The following ATP9B variants were observed in gnomAD, a reference collection of about 807,000 sequenced individuals.
ATP9B encodes the protein probable phospholipid-transporting ATPase IIB.
ATP9B carries 110 observed loss-of-function variants against 146.1 expected under a neutral mutation model. The ratio of observed to expected loss-of-function variants is 0.75; its 90% CI spans 0.65 to 0.88. The LOEUF is 0.88. Ranked by LOEUF, ATP9B falls within the 40% of genes least tolerant of loss-of-function variation. ATP9B has a pLI of 0.00. For synonymous variants in ATP9B, 604 were observed against 569.7 expected (o/e 1.06, Z -0.86); for missense variants, 1,499 against 1,496.4 (o/e 1.00, Z -0.03).
At chr18:79,173,927 T>C (rs1568331237) in intron 7 of ATP9B, among the ~76,000 whole-genome samples, 5 of 152,206 alleles carry the variant, frequency 3.3e-5, no homozygotes. Context: ...TCTGCACCTG[T>C]TGGCATTTAT....
At chr18:79,368,991 C>T (rs577105182) in intron 26 of ATP9B, among the ~76,000 whole-genome samples, 3 of 151,952 alleles carry the variant, frequency 2.0e-5, no homozygotes. Context: ...GTCCTTCCCT[C>T]TCTGTTTGGA....
chr18:79,293,485 A>G (rs2096526254), intron 13 of ATP9B, among the ~76,000 whole-genome samples: 2 of 152,234 alleles, frequency 1.3e-5, no homozygotes, highest in South Asian at 4.1e-4. Context: ...TGGGTCTGTT[A>G]GAAAAGCCAC....
At chr18:79,112,512 T>A (rs1384704966) in intron 3 of ATP9B, among the ~76,000 whole-genome samples, 1 of 152,206 alleles carries the variant, frequency 6.6e-6, no homozygotes, top group Non-Finnish European at 1.5e-5. Flanking sequence ...GAAATTTCTT[T>A]TATATTTGAA....
chr18:79,316,179 C>T (rs558338549), intron 15 of ATP9B, among the ~76,000 whole-genome samples: 11 of 152,200 alleles, frequency 7.2e-5, no homozygotes, highest in South Asian at 6.2e-4. Flanking sequence ...GTGATGACAT[C>T]GGAAACAGGA....
At chr18:79,290,394 C>T (rs2096490501) in intron 13 of ATP9B, among the ~76,000 whole-genome samples, 1 of 152,228 alleles carries the variant, frequency 6.6e-6, no homozygotes, top group South Asian at 2.1e-4. Flanking sequence ...ATCAGCGAGA[C>T]TCTGTGGGGT....
intron 8 of ATP9B, among the ~76,000 whole-genome samples, chr18:79,189,366 C>T (rs1477904564): frequency 1.3e-5 from 2 of 151,884 alleles, no homozygotes; most frequent in Non-Finnish European, 2.9e-5. Context: ...ATAATTTTGT[C>T]CTTGAATAGA....
chr18:79,295,343 T>C (rs1437217381), intron 13 of ATP9B, among the ~76,000 whole-genome samples: 1 of 152,230 alleles, frequency 6.6e-6, no homozygotes, highest in Admixed American at 6.5e-5. Flanking sequence ...TCTTACTCAT[T>C]GATTTCCTCT....
chr18:79,229,600 G>C (rs1214195363), intron 11 of ATP9B, among the ~76,000 whole-genome samples: 1 of 152,208 alleles, frequency 6.6e-6, no homozygotes, highest in African/African-American at 2.4e-5. Flanking sequence ...AGAGGCAGAT[G>C]ATGGTGTGTT....
At chr18:79,336,605 T>C in intron 17 of ATP9B, 23 bp from the exon 18 acceptor site, 2 of 1,611,970 alleles carry the variant, frequency 1.2e-6, no homozygotes, top group African/African-American at 1.3e-5. Flanking sequence ...GGCCCACCTG[T>C]GACTCGGCCT....
chr18:79,206,684 T>A (rs2095537304), intron 9 of ATP9B, among the ~76,000 whole-genome samples: 1 of 152,148 alleles, frequency 6.6e-6, no homozygotes. Context: ...AGTACTTTCA[T>A]GAAAATTTAG....
chr18:79,252,913 G>T (rs1309011261), intron 11 of ATP9B, among the ~76,000 whole-genome samples: 1 of 151,894 alleles, frequency 6.6e-6, no homozygotes, highest in African/African-American at 2.4e-5. Flanking sequence ...GAATCCTCAT[G>T]GGGGAGGTGC....
intron 7 of ATP9B, among the ~76,000 whole-genome samples, chr18:79,167,897 A>T (rs1600114697): frequency 9.2e-6 from 1 of 109,284 alleles, no homozygotes; most frequent in Admixed American, 7.9e-5. Context: ...TATGGTTCCC[A>T]GGCTGTTTGT....
Position 79,240,262 on chromosome 18 carries a change from C to A in ATP9B, c.1108-13119C>A, listed in dbSNP as rs73973020. Among the ~76,000 whole-genome samples, 778 of 152,204 alleles carry A rather than the reference C, an allele frequency of 5.1e-3. 12 individuals are homozygous for A. Among genetic ancestry groups the A allele is most frequent in the African/African-American group, 0.017 (707 of 41,518 alleles). On this transcript the variant is annotated intron_variant, in intron 11 of 29. Transcript: ENST00000426216. ...TTTTCTCGAAGGGCAGTAATTGATA[C>A]CAGTTGAGCAGGAAGTTTTATCACA...
At chr18:79,077,664 G>C (rs1375446515) in intron 1 of ATP9B, among the ~76,000 whole-genome samples, 2 of 152,194 alleles carry the variant, frequency 1.3e-5, no homozygotes, top group Non-Finnish European at 2.9e-5. Flanking sequence ...ACTTGTGCTA[G>C]GTGCCACAAT....
intron 7 of ATP9B, among the ~76,000 whole-genome samples, chr18:79,167,601 A>G (rs1319127513): frequency 6.6e-6 from 1 of 152,112 alleles, no homozygotes. Context: ...TGGTAGTCCC[A>G]ATTTCTGTGT....
intron 8 of ATP9B, among the ~76,000 whole-genome samples, chr18:79,177,228 CT>C (rs1600193770): frequency 6.6e-6 from 1 of 151,882 alleles, no homozygotes; most frequent in East Asian, 1.9e-4. Context: ...TGTCCTTTTC[CT>C]TTTTCAATTT....
intron 26 of ATP9B, chr18:79,362,831 A>AT (rs1485128216): frequency 3.3e-5 from 5 of 152,256 alleles, no homozygotes; most frequent in African/African-American, 1.2e-4. Flanking sequence ...AATTGTAAAG[A>AT]TATCAAGTAG....
intron 1 of ATP9B, among the ~76,000 whole-genome samples, chr18:79,073,547 A>C (rs1006261194): frequency 6.6e-6 from 1 of 152,180 alleles, no homozygotes; most frequent in Non-Finnish European, 1.5e-5. Flanking sequence ...AGAATCAGGC[A>C]GGGAGGTTGC....
At chr18:79,203,985 T>A (rs867746336) in intron 9 of ATP9B, among the ~76,000 whole-genome samples, 3 of 152,250 alleles carry the variant, frequency 2.0e-5, no homozygotes, top group Admixed American at 6.5e-5. Flanking sequence ...TAAATTCAAT[T>A]ACAAAGTAGT....
Sources: gnomAD v4.1 joint callset for allele counts (sites outside exome capture counted in the v4.1 genomes callset) on GRCh38, gnomAD v4.1.1 for gene constraint, MANE v1.5 for transcripts, NCBI Gene and HGNC (gene_info 2026-07-23, HGNC 2026-07-21) for gene names.